Variants in ZBTB7C observed in about 807,000 individuals in gnomAD.
ZBTB7C encodes zinc finger and BTB domain-containing protein 7C.
Under a neutral mutation model 25.7 loss-of-function variants are expected in ZBTB7C, and 8 were observed. The observed-to-expected ratio is 0.31, with a 90% CI of 0.18 to 0.56. The LOEUF is 0.56. ZBTB7C is among the 20% of genes least tolerant of loss of function. The probability of loss-of-function intolerance (pLI) is 0.91; values close to 1 mark genes in which losing one functional copy is unlikely to be tolerated. For synonymous variants in ZBTB7C, 394 were observed against 369.0 expected, an observed-to-expected ratio of 1.07 and a Z score of -0.78; for missense variants, 824 against 855.2, an observed-to-expected ratio of 0.96 and a Z score of 0.46.
intron 2 of ZBTB7C, among the ~76,000 whole-genome samples, chr18:48,260,384 G>A (rs1048134533): frequency 3.9e-5 from 6 of 152,202 alleles, no homozygotes; most frequent in African/African-American, 1.4e-4. Flanking sequence ...GGGGACACAG[G>A]AAACTTTTGG....
intron 2 of ZBTB7C, among the ~76,000 whole-genome samples, chr18:48,261,996 G>A (rs916399408): frequency 6.6e-6 from 1 of 152,210 alleles, no homozygotes; most frequent in Non-Finnish European, 1.5e-5. Context: ...AGGGGACAAA[G>A]GTCCTCTTCC....
At chr18:48,171,986 C>T (rs894605765) in intron 3 of ZBTB7C, among the ~76,000 whole-genome samples, 3 of 152,140 alleles carry the variant, frequency 2.0e-5, no homozygotes, top group Non-Finnish European at 4.4e-5. Flanking sequence ...ATTTCAAAGT[C>T]GAATAAGAAG....
At chr18:48,046,849 C>T (rs772969869) in intron 3 of ZBTB7C, among the ~76,000 whole-genome samples, 4 of 152,272 alleles carry the variant, frequency 2.6e-5, no homozygotes, top group African/African-American at 4.8e-5. Flanking sequence ...AGGATGGTTA[C>T]GAGAAATCTG....
At chr18:48,245,105 C>CATATATAT (rs1568327234) in intron 2 of ZBTB7C, among the ~76,000 whole-genome samples, 2 of 122,690 alleles carry the variant, frequency 1.6e-5, no homozygotes, top group East Asian at 2.2e-4. Context: ...TATATATATA[C>CATATATAT]ACACACACAC....
chr18:48,040,231 C>G lies in ZBTB7C; in HGVS notation c.877G>C (p.Glu293Gln). The G allele has an allele frequency of 6.4e-7, 1 of 1,569,152 alleles. No individual in the cohort carries two copies. Among genetic ancestry groups the G allele is most frequent in the Non-Finnish European group, 8.6e-7 (1 of 1,159,762 alleles). Reference protein sequence around the residue: ...VIKNRKIKEEEKEELPPPPPP... With the variant: ...VIKNRKIKEEQKEELPPPPPP... ...GGGGGTGGGGGCAGCTCCTCCTTCTCCTCCTCCTTGATCTTCCGATTCTTG... is the reference window on the plus strand; with the variant it reads ...GGGGGTGGGGGCAGCTCCTCCTTCTGCTCCTCCTTGATCTTCCGATTCTTG... Residue 293 changes from glutamate to glutamine, a missense_variant, in exon 4 of 5, where the codon GAG (glutamate) becomes CAG (glutamine). Transcript: ENST00000590800.
At chr18:48,046,469 AAGTC>A (rs1281824820) in intron 3 of ZBTB7C, among the ~76,000 whole-genome samples, 2 of 152,208 alleles carry the variant, frequency 1.3e-5, no homozygotes, top group African/African-American at 2.4e-5. Context: ...TAAAAAGCCA[AAGTC>A]AGTAAAACCC....
At chr18:48,233,742 TC>T (rs2043311731) in intron 2 of ZBTB7C, among the ~76,000 whole-genome samples, 1 of 152,212 alleles carries the variant, frequency 6.6e-6, no homozygotes, top group African/African-American at 2.4e-5. Context: ...CTGGGATAGG[TC>T]CCATATTCAT....
Position 48,389,461 on chromosome 18 carries a change from A to ATTTTT in ZBTB7C, c.-304+19760_-304+19764dup, listed in dbSNP as rs138527928. Among the ~76,000 whole-genome samples the ATTTTT allele has an allele frequency of 1.2e-3, 121 of 97,630 alleles. 1 individual carries two copies. The highest frequency in any genetic ancestry group is 2.0e-3 in the Non-Finnish European group (100 of 49,912). 64.0% of individuals were successfully genotyped at this position (97,630 alleles called of 152,430 possible). A position where few individuals can be genotyped will look rare whatever the true frequency, so the allele number is the denominator to read the frequency against. The stretch of plus-strand genomic sequence containing the variant: ...GGCCCTTTACTTTCATGACTCTTGG[A>ATTTTT]TTTTTTTTTTTTTTTTTTTTTGCAT... On this transcript the variant is annotated intron_variant, in intron 1 of 4. Coordinates refer to ENST00000590800, the MANE Select transcript of ZBTB7C (RefSeq NM_001318841.2).
intron 1 of ZBTB7C, among the ~76,000 whole-genome samples, chr18:48,362,213 C>G (rs368482418): frequency 4.1e-4 from 62 of 152,346 alleles, no homozygotes; most frequent in African/African-American, 1.5e-3. Context: ...CAAGGCCTTC[C>G]TGCAGCTGGG....
At position 48,027,660 on chromosome 18, in the gene ZBTB7C, T is replaced by G. The variant is rs2035569734; in HGVS notation, c.*1600A>C. On this transcript the variant is annotated 3_prime_UTR_variant, in exon 5 of 5. Coordinates refer to ENST00000590800, the MANE Select transcript of ZBTB7C (RefSeq NM_001318841.2). The stretch of plus-strand genomic sequence containing the variant: ...GCTCTTCTCTGGCCTTTTTGTTTGT[T>G]GTGTTTTTGCTCAGGAAAAAGCCAA... The G allele has an allele frequency of 6.6e-6, 1 of 152,238 alleles. No individual in the cohort carries two copies. Among genetic ancestry groups the G allele is most frequent in the Non-Finnish European group, 1.5e-5 (1 of 68,042 alleles). 9.4% of individuals were successfully genotyped at this position (152,238 alleles called of 1,614,324 possible). A position where few individuals can be genotyped will look rare whatever the true frequency, so the allele number is the denominator to read the frequency against.
intron 3 of ZBTB7C, among the ~76,000 whole-genome samples, chr18:48,098,827 C>G (rs1462448360): frequency 6.6e-6 from 1 of 152,176 alleles, no homozygotes; most frequent in Admixed American, 6.5e-5. Flanking sequence ...GAGATGTTCT[C>G]TTTTTCCTGC....
chr18:48,153,789 T>A (rs1568261571), intron 3 of ZBTB7C, among the ~76,000 whole-genome samples: 4 of 152,248 alleles, frequency 2.6e-5, no homozygotes. Flanking sequence ...TCAAAGCTCC[T>A]GGCCTCATGA....
chr18:48,286,221 A>G (rs1475634936), intron 2 of ZBTB7C, among the ~76,000 whole-genome samples: 1 of 141,192 alleles, frequency 7.1e-6, no homozygotes, highest in Admixed American at 7.1e-5. Context: ...TCTTTGTCAG[A>G]GAAGAGGTGT....
chr18:48,035,541 C>T (rs1472383836), intron 4 of ZBTB7C, among the ~76,000 whole-genome samples: 1 of 152,174 alleles, frequency 6.6e-6, no homozygotes, highest in Non-Finnish European at 1.5e-5. Context: ...AATTAAGAGG[C>T]GGAAGATGCA....
At chr18:48,258,303 A>T (rs2044077861) in intron 2 of ZBTB7C, among the ~76,000 whole-genome samples, 2 of 152,194 alleles carry the variant, frequency 1.3e-5, no homozygotes, top group South Asian at 2.1e-4. Context: ...CACAGACACC[A>T]TGATTATCTA....
chr18:48,215,199 G>C (rs910844233), intron 2 of ZBTB7C, among the ~76,000 whole-genome samples: 9 of 152,174 alleles, frequency 5.9e-5, no homozygotes, highest in Admixed American at 2.6e-4. Flanking sequence ...AACCTTAGAA[G>C]ACACAGAAGC....
chr18:48,228,168 G>A (rs1256115809), intron 2 of ZBTB7C, among the ~76,000 whole-genome samples: 1 of 152,160 alleles, frequency 6.6e-6, no homozygotes, highest in Non-Finnish European at 1.5e-5. Flanking sequence ...GACAGGACCT[G>A]GCTGGAGAGT....
At chr18:48,268,342 G>A (rs911162249) in intron 2 of ZBTB7C, among the ~76,000 whole-genome samples, 2 of 152,202 alleles carry the variant, frequency 1.3e-5, no homozygotes, top group African/African-American at 4.8e-5. Flanking sequence ...CACATTAGGG[G>A]AGAGAGACTT....
chr18:48,384,476 G>A (rs889585838), intron 1 of ZBTB7C, among the ~76,000 whole-genome samples: 3 of 152,166 alleles, frequency 2.0e-5, no homozygotes, highest in African/African-American at 7.2e-5. Flanking sequence ...TAGAATAGAG[G>A]CTATTGGAGA....
Sources: gnomAD v4.1 joint callset for allele counts (sites outside exome capture counted in the v4.1 genomes callset) on GRCh38, gnomAD v4.1.1 for gene constraint, MANE v1.5 for transcripts, NCBI Gene and HGNC (gene_info 2026-07-23, HGNC 2026-07-21) for gene names.